The following POF1B variants were observed in gnomAD, a reference collection of about 807,000 sequenced individuals.
POF1B encodes the protein POF1B actin binding protein, also known as protein POF1B.
Under a neutral mutation model 55.3 loss-of-function variants are expected in POF1B, and 53 were observed. The ratio of observed to expected loss-of-function variants is 0.96; its 90% confidence interval spans 0.77 to 1.20. The LOEUF is 1.20. Ranked by LOEUF, POF1B falls within the 50% of genes most tolerant of loss-of-function variation. The pLI, the probability that POF1B is intolerant of heterozygous loss-of-function variation, is 0.00. For missense variants in POF1B, 478 were observed against 420.5 expected, an observed-to-expected ratio of 1.14 and a Z score of -1.20; for synonymous variants, 188 against 148.3, an observed-to-expected ratio of 1.27 and a Z score of -1.95.
At chrX:85,345,219 T>C (rs1476075116) in intron 6 of POF1B, among the ~76,000 whole-genome samples, 2 of 110,998 alleles carry the variant, frequency 1.8e-5, no homozygotes, top group Non-Finnish European at 3.8e-5. Flanking sequence ...TACAAGAAAA[T>C]CTTTTTTCCT....
chrX:85,300,111 G>A (rs1462048779), intron 15 of POF1B, among the ~76,000 whole-genome samples: 1 of 112,210 alleles, frequency 8.9e-6, no homozygotes, highest in Admixed American at 9.4e-5. Flanking sequence ...ATGATAAAAG[G>A]AAAAACTGAG....
intron 2 of POF1B, among the ~76,000 whole-genome samples, chrX:85,375,228 A>C (rs1933901190): frequency 8.9e-6 from 1 of 112,175 alleles, no homozygotes; most frequent in Non-Finnish European, 1.9e-5. Context: ...AGTTGGCTGA[A>C]ATATATTTAT....
At chrX:85,350,280 G>A (rs1227260261) in intron 5 of POF1B, among the ~76,000 whole-genome samples, 2 of 108,288 alleles carry the variant, frequency 1.8e-5, no homozygotes, top group African/African-American at 3.4e-5. Flanking sequence ...GAGAATATGC[G>A]GTGTTTGGTT....
At chrX:85,354,368 G>C (rs1431749273) in intron 4 of POF1B, among the ~76,000 whole-genome samples, 1 of 110,924 alleles carries the variant, frequency 9.0e-6, no homozygotes, top group Non-Finnish European at 1.9e-5. Flanking sequence ...GTACCACATA[G>C]TGAAGGAACT....
At chrX:85,310,234 T>A (rs1422174501) in intron 9 of POF1B, among the ~76,000 whole-genome samples, 1 of 112,140 alleles carries the variant, frequency 8.9e-6, no homozygotes, top group Non-Finnish European at 1.9e-5. Flanking sequence ...AACATCAAGA[T>A]AATAGAAATG....
chrX:85,307,354 T>G (rs1603034397), intron 10 of POF1B, 78 bp from the exon 11 acceptor site: 2 of 596,070 alleles, frequency 3.4e-6, no homozygotes, highest in East Asian at 7.5e-5. Flanking sequence ...TTGCTTACCT[T>G]GGAAGATTTA....
At chrX:85,352,271 T>C (rs760416640) in intron 4 of POF1B, among the ~76,000 whole-genome samples, 1 of 111,334 alleles carries the variant, frequency 9.0e-6, no homozygotes. Context: ...GGAGTTGTTT[T>C]GTTTGTTGTT....
intron 9 of POF1B, 66 bp from the exon 10 acceptor site, chrX:85,308,282 G>GTT: frequency 5.7e-5 from 40 of 702,119 alleles, no homozygotes; most frequent in African/African-American, 6.8e-5. Context: ...ATAAGTGAAA[G>GTT]TTTTTTTTTT....
intron 3 of POF1B, among the ~76,000 whole-genome samples, chrX:85,366,734 G>T (rs1325605968): frequency 9.0e-6 from 1 of 110,953 alleles, no homozygotes; most frequent in Non-Finnish European, 1.9e-5. Context: ...TAGTCTGTGA[G>T]CTCCTTGAAA....
intron 5 of POF1B, 35 bp downstream of exon 5, chrX:85,351,315 C>A: frequency 9.8e-7 from 1 of 1,021,520 alleles, no homozygotes; most frequent in Non-Finnish European, 1.3e-6. Context: ...AAATTATACA[C>A]TTAAAAACAA....
intron 5 of POF1B, among the ~76,000 whole-genome samples, chrX:85,347,143 C>T (rs1933289697): frequency 1.8e-5 from 2 of 111,068 alleles, no homozygotes; most frequent in Non-Finnish European, 3.8e-5. Context: ...AATTTGCTTT[C>T]TTATCTTGTG....
chrX:85,317,689 T>C (rs901867521), intron 7 of POF1B, among the ~76,000 whole-genome samples: 3 of 110,214 alleles, frequency 2.7e-5, no homozygotes, highest in African/African-American at 6.6e-5. Flanking sequence ...AAGACAGAGA[T>C]ACCATTTGAC....
intron 4 of POF1B, 36 bp downstream of exon 4, chrX:85,359,514 T>C (rs1169731901): frequency 9.6e-7 from 1 of 1,038,502 alleles, no homozygotes. Flanking sequence ...AATTAACTTC[T>C]AAAGAATTAT....
At chrX:85,336,909 G>T (rs181900252) in intron 6 of POF1B, among the ~76,000 whole-genome samples, 1 of 111,666 alleles carries the variant, frequency 9.0e-6, no homozygotes, top group African/African-American at 3.2e-5. Flanking sequence ...ATGTTTTCTT[G>T]TAGTAGTTTC....
At chrX:85,320,333 G>T (rs1932824502) in intron 7 of POF1B, among the ~76,000 whole-genome samples, 1 of 110,705 alleles carries the variant, frequency 9.0e-6, no homozygotes, top group African/African-American at 3.3e-5. Flanking sequence ...ACCTGCTCCT[G>T]AATGACTACT....
intron 16 of POF1B, among the ~76,000 whole-genome samples, chrX:85,280,177 C>T (rs1391486984): frequency 1.8e-5 from 2 of 111,309 alleles, no homozygotes; most frequent in African/African-American, 6.5e-5. Flanking sequence ...TCTAAAGAAA[C>T]TTTTTGAATT....
At chrX:85,315,452 A>G (rs1311413213) in intron 8 of POF1B, among the ~76,000 whole-genome samples, 1 of 111,337 alleles carries the variant, frequency 9.0e-6, no homozygotes, top group African/African-American at 3.3e-5. Flanking sequence ...CATTTCAAAT[A>G]AACATTGCAA....
At chrX:85,368,420 A>T (rs911989561) in intron 2 of POF1B, among the ~76,000 whole-genome samples, 1 of 111,723 alleles carries the variant, frequency 9.0e-6, no homozygotes, top group Non-Finnish European at 1.9e-5. Context: ...AATTTTAAAA[A>T]TAAAATAAAA....
rs1008985932 is a variant in POF1B at position 85,278,054 on chromosome X, G to C, written c.*1367C>G. 3 of 110,698 alleles carry C rather than the reference G, an allele frequency of 2.7e-5. No individual in the cohort carries two copies. The highest frequency in any genetic ancestry group is 9.8e-5 in the African/African-American group (3 of 30,560). 9.1% of individuals were successfully genotyped at this position (110,698 alleles called of 1,213,427 possible). A position where few individuals can be genotyped will look rare whatever the true frequency, so the allele number is the denominator to read the frequency against. On this transcript the variant is annotated 3_prime_UTR_variant, in exon 17 of 17. Coordinates refer to ENST00000262753, the MANE Select transcript of POF1B (RefSeq NM_024921.4). The stretch of plus-strand genomic sequence containing the variant: ...TGGAATTGTATCAATTCATGTTATG[G>C]AGCTTAACATTTTAGCCGAAATATT...
Sources: gnomAD v4.1 joint callset for allele counts (sites outside exome capture counted in the v4.1 genomes callset) on GRCh38, gnomAD v4.1.1 for gene constraint, MANE v1.5 for transcripts, NCBI Gene and HGNC (gene_info 2026-07-23, HGNC 2026-07-21) for gene names.